KCNK9: variants seen among roughly 807,000 people sequenced by gnomAD.
KCNK9 encodes potassium two pore domain channel subfamily K member 9.
In KCNK9, 1 loss-of-function variant was observed where a neutral mutation model predicts 10.8. That is an observed-to-expected ratio of 0.09 (90% CI 0.03 to 0.44). KCNK9 has a LOEUF of 0.44. Among genes scored for constraint, KCNK9 ranks in the 20% least tolerant of loss-of-function variants. The pLI is 0.97. For missense variants in KCNK9, 303 were observed against 515.0 expected, an observed-to-expected ratio of 0.59 and a Z score of 3.98; for synonymous variants, 231 against 222.7, an observed-to-expected ratio of 1.04 and a Z score of -0.33.
intron 1 of KCNK9, among the ~76,000 whole-genome samples, chr8:139,663,109 T>C (rs949200850): frequency 3.3e-5 from 5 of 152,090 alleles, no homozygotes; most frequent in African/African-American, 1.2e-4. Flanking sequence ...AAGGAGGGAC[T>C]GTGCAGGTCT....
At chr8:139,658,440 C>G (rs374311606) in intron 1 of KCNK9, among the ~76,000 whole-genome samples, 8 of 152,192 alleles carry the variant, frequency 5.3e-5, no homozygotes, top group African/African-American at 1.9e-4. Context: ...ACAAGGAAAC[C>G]AGATGCGGGC....
rs182064935 is a variant in KCNK9 at position 139,699,074 on chromosome 8, C to A, written c.283+3636G>T. On this transcript the variant is annotated intron_variant, in intron 1 of 1. Transcript: ENST00000520439. ...TAGCAAGAAAAGGAAAAACCCACCT[C>A]TCCTTCCCTACCTAAGCCCGATTTC... 2.1e-3 allele frequency among the ~76,000 whole-genome samples: 316 copies of A among 152,346 alleles called. 1 individual carries two copies. Among genetic ancestry groups the A allele is most frequent in the Non-Finnish European group, 3.2e-3 (220 of 68,026 alleles).
Position 139,653,749 on chromosome 8 carries a change from C to T in KCNK9, c.284-34650G>A, listed in dbSNP as rs1010894605. Among the ~76,000 whole-genome samples the T allele has an allele frequency of 4.6e-5, 7 of 152,226 alleles. No homozygotes were observed. In the South Asian group the frequency reaches 6.2e-4, roughly 14 times the overall value. On this transcript the variant is annotated intron_variant, in intron 1 of 1. Transcript: ENST00000520439. ...AAACCCATAAATCGCTCTACAAACA[C>T]GAGGCGGCATTATCAGCTCAAGAAA...
intron 1 of KCNK9, among the ~76,000 whole-genome samples, chr8:139,671,257 T>C (rs1159126697): frequency 1.3e-5 from 2 of 152,180 alleles, no homozygotes; most frequent in South Asian, 4.1e-4. Flanking sequence ...TCCCCCTTTC[T>C]TTCCTGGCTC....
At chr8:139,633,638 C>T (rs1815244043) in intron 1 of KCNK9, among the ~76,000 whole-genome samples, 1 of 152,212 alleles carries the variant, frequency 6.6e-6, no homozygotes. Context: ...TCTCCCAGGC[C>T]CTCCCTTACA....
intron 1 of KCNK9, among the ~76,000 whole-genome samples, chr8:139,638,895 GCT>G (rs1226739490): frequency 6.6e-6 from 1 of 152,184 alleles, no homozygotes; most frequent in Non-Finnish European, 1.5e-5. Flanking sequence ...GAGTCCACCA[GCT>G]CTCTCTGGTG....
chr8:139,685,747 G>A (rs1156514652), intron 1 of KCNK9, among the ~76,000 whole-genome samples: 2 of 152,284 alleles, frequency 1.3e-5, no homozygotes, highest in African/African-American at 2.4e-5. Context: ...AAACATACAT[G>A]TGCATATGTC....
intron 1 of KCNK9, among the ~76,000 whole-genome samples, chr8:139,669,614 C>T (rs1816380643): frequency 6.6e-6 from 1 of 152,214 alleles, no homozygotes; most frequent in African/African-American, 2.4e-5. Context: ...AGTTCTCTTG[C>T]TATTTCCACC....
intron 1 of KCNK9, among the ~76,000 whole-genome samples, chr8:139,649,772 C>A (rs186272710): frequency 1.7e-4 from 26 of 152,336 alleles, no homozygotes; most frequent in Admixed American, 1.5e-3. Flanking sequence ...AACCTCTCTG[C>A]CTCAATCATT....
intron 1 of KCNK9, among the ~76,000 whole-genome samples, chr8:139,622,925 T>G (rs181762812): frequency 6.6e-6 from 1 of 152,180 alleles, no homozygotes; most frequent in Non-Finnish European, 1.5e-5. Context: ...TGTGACATAG[T>G]AGCACACTAT....
intron 1 of KCNK9, among the ~76,000 whole-genome samples, chr8:139,629,555 A>G (rs1211727581): frequency 6.6e-6 from 1 of 152,240 alleles, no homozygotes. Flanking sequence ...ATTACAGTGC[A>G]GATAAACCTT....
intron 2 of KCNK9, among the ~76,000 whole-genome samples, chr8:139,602,754 G>C (rs1291711551): frequency 6.6e-6 from 1 of 152,208 alleles, no homozygotes; most frequent in Non-Finnish European, 1.5e-5. Context: ...TGCTCATCGT[G>C]CAGCATAACA....
At chr8:139,673,925 G>T (rs936930531) in intron 1 of KCNK9, among the ~76,000 whole-genome samples, 5 of 152,038 alleles carry the variant, frequency 3.3e-5, no homozygotes, top group Admixed American at 2.0e-4. Flanking sequence ...CAGAGCTGAC[G>T]GCTCCAGCCA....
rs1231079271 is a variant in KCNK9 at position 139,702,055 on chromosome 8, G to C, written c.283+655C>G. Among the ~76,000 whole-genome samples the C allele has an allele frequency of 6.6e-6, 1 of 152,164 alleles. No individual in the cohort carries two copies. The highest frequency in any genetic ancestry group is 6.5e-5 in the Admixed American group (1 of 15,276). ...CACCTCTACTGAGAGCAATTGAGGGGCTGCCACCCCCAACGCAAGCACCAG... is the reference window on the plus strand; with the variant it reads ...CACCTCTACTGAGAGCAATTGAGGGCCTGCCACCCCCAACGCAAGCACCAG... On this transcript the variant is annotated intron_variant, in intron 1 of 1. Transcript: ENST00000520439. This position sits in a 1 kb window ranked among gnomAD's most constrained non-coding sequence, Gnocchi z 7.5.
intron 1 of KCNK9, among the ~76,000 whole-genome samples, chr8:139,651,018 G>T (rs1303911341): frequency 6.6e-6 from 1 of 152,144 alleles, no homozygotes. Flanking sequence ...AGAGTACTGG[G>T]CTGCAGGTCA....
At chr8:139,662,299 G>A (rs1358120712) in intron 1 of KCNK9, among the ~76,000 whole-genome samples, 8 of 152,146 alleles carry the variant, frequency 5.3e-5, no homozygotes, top group African/African-American at 1.9e-4. Context: ...CCACAGCAGG[G>A]ACTCAGATGG....
intron 1 of KCNK9, among the ~76,000 whole-genome samples, chr8:139,672,654 C>T (rs77855527): frequency 0.04 from 6,085 of 152,344 alleles, 253 homozygotes; most frequent in African/African-American, 0.1. Flanking sequence ...GGTCGGCCCA[C>T]CCTGTCCAGA....
chr8:139,630,303 G>A (rs2129635059), intron 1 of KCNK9, among the ~76,000 whole-genome samples: 1 of 152,282 alleles, frequency 6.6e-6, no homozygotes, highest in South Asian at 2.1e-4. Flanking sequence ...AAGTGGTGGA[G>A]GCGAGGCTTT....
At chr8:139,665,506 A>G (rs960015262) in intron 1 of KCNK9, among the ~76,000 whole-genome samples, 4 of 152,194 alleles carry the variant, frequency 2.6e-5, no homozygotes, top group African/African-American at 9.7e-5. Flanking sequence ...CCCCCTTGCT[A>G]TGGAAGGTAA....
Sources: allele counts gnomAD v4.1 joint callset (sites outside exome capture counted in the v4.1 genomes callset), GRCh38; gene constraint gnomAD v4.1.1; non-coding constraint Gnocchi (gnomAD v3.1); transcripts MANE v1.5; gene names NCBI Gene and HGNC (gene_info 2026-07-23, HGNC 2026-07-21).